TCF7L2: variants seen among roughly 807,000 people sequenced by gnomAD.
TCF7L2 encodes the protein transcription factor 7-like 2.
In TCF7L2, 23 loss-of-function variants were observed where a neutral mutation model predicts 77.9. The ratio of observed to expected loss-of-function variants is 0.30; its 90% confidence interval spans 0.21 to 0.42. The LOEUF (loss-of-function observed/expected upper bound fraction) is 0.42. Ranked by LOEUF, TCF7L2 falls within the 10% of genes least tolerant of loss-of-function variation. The pLI, the probability that TCF7L2 is intolerant of heterozygous loss-of-function variation, is 1.00. For missense variants in TCF7L2, 654 were observed against 793.1 expected, an observed-to-expected ratio of 0.82 and a Z score of 2.11; for synonymous variants, 413 against 340.2, an observed-to-expected ratio of 1.21 and a Z score of -2.36.
intron 5 of TCF7L2, among the ~76,000 whole-genome samples, chr10:113,095,419 T>G (rs1173682461): frequency 6.6e-6 from 1 of 152,200 alleles, no homozygotes; most frequent in East Asian, 1.9e-4. Flanking sequence ...ATTGTCTATC[T>G]GCCAATATTT....
chr10:112,987,364 A>G (rs1233046968), intron 4 of TCF7L2: 3 of 151,602 alleles, frequency 2.0e-5, no homozygotes, highest in African/African-American at 7.3e-5. Flanking sequence ...ATGATACTGT[A>G]TCTTTTGCTT....
rs757630825 is a variant in TCF7L2, at chr10:112,961,255, C to CCA, written c.382-3300_382-3299insAC. Among the ~76,000 whole-genome samples, 78 of 49,878 alleles carry CCA rather than the reference C, an allele frequency of 1.6e-3. 20 individuals carry two copies. The highest frequency in any genetic ancestry group is 4.7e-3 in the African/African-American group (72 of 15,286). 32.7% of individuals were successfully genotyped at this position (49,878 alleles called of 152,430 possible). ...GTCTCGAACTCCCGACCTCAGGTGA[C>CCA]CCCCCCCCCCCCAACCTCGGCCTTC... On this transcript the variant is annotated intron_variant, in intron 3 of 13. Coordinates refer to ENST00000627217, the MANE Select transcript of TCF7L2 (RefSeq NM_001146274.2).
intron 5 of TCF7L2, among the ~76,000 whole-genome samples, chr10:113,120,335 GC>G (rs1315573390): frequency 3.9e-5 from 6 of 152,182 alleles, no homozygotes; most frequent in African/African-American, 1.4e-4. Flanking sequence ...TGTGTTAGTG[GC>G]TTTTATGGAG....
chr10:113,026,080 C>T (rs567598626), intron 4 of TCF7L2, among the ~76,000 whole-genome samples: 1 of 151,324 alleles, frequency 6.6e-6, no homozygotes, highest in East Asian at 2.0e-4. Context: ...TGTTTCGCCA[C>T]GTTGGCCAGG....
intron 5 of TCF7L2, among the ~76,000 whole-genome samples, chr10:113,079,588 C>G (rs1253703815): frequency 6.6e-6 from 1 of 152,158 alleles, no homozygotes; most frequent in East Asian, 1.9e-4. Flanking sequence ...TCCCTAAAAA[C>G]TGAGGGTTGT....
In TCF7L2 at chr10:113,042,043, G is replaced by T. The variant is rs114611523; in HGVS notation, c.552+1917G>T. 6.5e-3 allele frequency among the ~76,000 whole-genome samples: 990 copies of T among 152,288 alleles called. 14 individuals are homozygous for T. Among genetic ancestry groups the T allele is most frequent in the African/African-American group, 0.023 (954 of 41,556 alleles). On this transcript the variant is annotated intron_variant, in intron 5 of 13. Coordinates refer to ENST00000627217, the MANE Select transcript of TCF7L2 (RefSeq NM_001146274.2). ...CCCCATGCCAGGGAGCAGTACCCCCGTGTAAAGGAGTGGGGGTTTGTCCAT... is the reference window on the plus strand; with the variant it reads ...CCCCATGCCAGGGAGCAGTACCCCCTTGTAAAGGAGTGGGGGTTTGTCCAT...
intron 5 of TCF7L2, among the ~76,000 whole-genome samples, chr10:113,049,718 T>G (rs1206360722): frequency 2.0e-5 from 3 of 152,146 alleles, no homozygotes; most frequent in Non-Finnish European, 4.4e-5. Context: ...AAATTTTATC[T>G]CTGGAAAGAG....
At chr10:113,131,726 A>G (rs2066632215) in intron 5 of TCF7L2, among the ~76,000 whole-genome samples, 1 of 152,196 alleles carries the variant, frequency 6.6e-6, no homozygotes, top group Admixed American at 6.5e-5. Flanking sequence ...TTGTATTCTT[A>G]GGGAAACCTC....
chr10:113,166,649 T>C lies in TCF7L2; in HGVS notation c.*677T>C, dbSNP rs564568063. ...CAGTAGTATTTATTGCTTTAGAGAT[T>C]GCTTGTCGTACCTGTATGTCGTCCC... On this transcript the variant is annotated 3_prime_UTR_variant, in exon 14 of 14. Transcript: ENST00000627217. 132 of 231,096 alleles carry C rather than the reference T, an allele frequency of 5.7e-4. No individual in the cohort carries two copies. The highest frequency in any genetic ancestry group is 5.2e-3 in the Middle Eastern group (4 of 774). The allele number at this position is 231,096 out of a possible 1,614,324, so 14.3% of individuals were successfully genotyped here.
At chr10:113,084,017 C>T (rs2059577720) in intron 5 of TCF7L2, among the ~76,000 whole-genome samples, 1 of 152,150 alleles carries the variant, frequency 6.6e-6, no homozygotes, top group Non-Finnish European at 1.5e-5. Context: ...ATTTCTAAGA[C>T]TCATTTCATT....
At chr10:112,970,910 A>G (rs1160674959) in intron 4 of TCF7L2, among the ~76,000 whole-genome samples, 1 of 152,196 alleles carries the variant, frequency 6.6e-6, no homozygotes, top group East Asian at 1.9e-4. Context: ...GTGACATTTC[A>G]TGTCCATTTT....
At chr10:113,102,515 C>T (rs1316471033) in intron 5 of TCF7L2, among the ~76,000 whole-genome samples, 2 of 151,426 alleles carry the variant, frequency 1.3e-5, no homozygotes, top group South Asian at 2.1e-4. Context: ...ACCTCCACCT[C>T]CTGGGTTCAA....
chr10:113,011,347 G>A (rs979302284), intron 4 of TCF7L2, among the ~76,000 whole-genome samples: 1 of 152,162 alleles, frequency 6.6e-6, no homozygotes, highest in African/African-American at 2.4e-5. Flanking sequence ...TGGTAGTGGG[G>A]GGTTTCCAAG....
intron 5 of TCF7L2, among the ~76,000 whole-genome samples, chr10:113,084,056 A>C (rs752677176): frequency 1.3e-5 from 2 of 152,226 alleles, no homozygotes; most frequent in Admixed American, 6.5e-5. Context: ...AGAGACGCAC[A>C]AATCCATTCC....
intron 5 of TCF7L2, among the ~76,000 whole-genome samples, chr10:113,045,581 A>G (rs773865977): frequency 1.3e-5 from 2 of 152,152 alleles, no homozygotes; most frequent in Non-Finnish European, 2.9e-5. Context: ...ACATGCATCA[A>G]GGTGGCCAGA....
chr10:113,138,228 C>T (rs1033686683), intron 5 of TCF7L2, among the ~76,000 whole-genome samples: 7 of 151,220 alleles, frequency 4.6e-5, no homozygotes, highest in Non-Finnish European at 1.0e-4. Context: ...GTACCTAAAA[C>T]TTCCAGTTCC....
intron 8 of TCF7L2, among the ~76,000 whole-genome samples, chr10:113,148,864 G>A (rs1489402941): frequency 6.6e-6 from 1 of 152,128 alleles, no homozygotes; most frequent in Non-Finnish European, 1.5e-5. Flanking sequence ...TTAGAAATGT[G>A]CCTTCTTCAT....
In TCF7L2 at chr10:112,960,558, A is replaced by G. The variant is rs563181766; in HGVS notation, c.382-3998A>G. 2.0e-5 allele frequency among the ~76,000 whole-genome samples: 3 copies of G among 152,232 alleles called. No individual in the cohort carries two copies. In the East Asian group the frequency reaches 5.8e-4, roughly 29 times the overall value. On this transcript the variant is annotated intron_variant, in intron 3 of 13. Transcript: ENST00000627217. ...TGGGTACTCCAGGCAGGGAAGTGCC[A>G]TTTTGAAGGTGTGAGGCACAGCCAG...
intron 4 of TCF7L2, among the ~76,000 whole-genome samples, chr10:113,012,136 G>A (rs1196657251): frequency 6.6e-6 from 1 of 152,166 alleles, no homozygotes; most frequent in African/African-American, 2.4e-5. Flanking sequence ...AATCACTTGG[G>A]AAACCTTTAA....
Sources: gnomAD v4.1 joint callset for allele counts (sites outside exome capture counted in the v4.1 genomes callset) on GRCh38, gnomAD v4.1.1 for gene constraint, MANE v1.5 for transcripts, NCBI Gene and HGNC (gene_info 2026-07-23, HGNC 2026-07-21) for gene names.